HACD3: variants seen among roughly 807,000 people sequenced by gnomAD.
HACD3 encodes the protein very-long-chain (3R)-3-hydroxyacyl-CoA dehydratase 3.
In HACD3, 30 loss-of-function variants were observed where a neutral mutation model predicts 55.2. The observed-to-expected ratio is 0.54, with a 90% CI of 0.41 to 0.74. HACD3 has a LOEUF of 0.74. HACD3 is among the 30% of genes least tolerant of loss of function. The pLI, the probability that HACD3 is intolerant of heterozygous loss-of-function variation, is 0.00. For synonymous variants in HACD3, 141 were observed against 151.7 expected, an observed-to-expected ratio of 0.93 and a Z score of 0.52; for missense variants, 363 against 440.1, an observed-to-expected ratio of 0.82 and a Z score of 1.57.
chr15:65,543,603 T>C (rs1485501237), intron 1 of HACD3, among the ~76,000 whole-genome samples: 15 of 152,200 alleles, frequency 9.9e-5, no homozygotes, highest in Admixed American at 9.8e-4. Context: ...AATTCCTAGC[T>C]AGCCCACTGA....
intron 1 of HACD3, among the ~76,000 whole-genome samples, chr15:65,534,840 A>C (rs2071939446): frequency 6.6e-6 from 1 of 152,228 alleles, no homozygotes; most frequent in African/African-American, 2.4e-5. Flanking sequence ...ATGGATTTGA[A>C]AGTGCTTTGC....
chr15:65,536,144 G>A (rs2071952969), intron 1 of HACD3, among the ~76,000 whole-genome samples: 1 of 152,108 alleles, frequency 6.6e-6, no homozygotes, highest in African/African-American at 2.4e-5. Flanking sequence ...TGCTTCCCAA[G>A]TAGCTGGGAC....
intron 1 of HACD3, among the ~76,000 whole-genome samples, chr15:65,535,566 G>A (rs772014914): frequency 1.3e-5 from 2 of 152,118 alleles, no homozygotes; most frequent in South Asian, 2.1e-4. Flanking sequence ...GTCTGTTGGC[G>A]TCATTTTTCC....
intron 5 of HACD3, 26 bp downstream of exon 5, chr15:65,558,757 T>C: frequency 5.0e-6 from 8 of 1,587,720 alleles, no homozygotes; most frequent in Non-Finnish European, 6.0e-6. Flanking sequence ...GCCATGGTAG[T>C]TACCAGTTAA....
In HACD3 at chr15:65,549,248, T is replaced by C. The variant is rs375447312; in HGVS notation, c.88-2428T>C. On this transcript the variant is annotated intron_variant, in intron 1 of 10. Transcript: ENST00000261875. ...CGAACATTTGCTCAACTAAGTGAAC[T>C]TGAACTTTGGTTTTGACAGCCCAAC... is the stretch of plus-strand genomic sequence containing the variant. Among the ~76,000 whole-genome samples the C allele has an allele frequency of 1.2e-4, 19 of 152,170 alleles. No individual in the cohort carries two copies. In the East Asian group the frequency reaches 2.5e-3, roughly 20 times the overall value.
chr15:65,563,208 A>T (rs149265846), intron 6 of HACD3, among the ~76,000 whole-genome samples: 5 of 152,322 alleles, frequency 3.3e-5, no homozygotes, highest in African/African-American at 1.2e-4. Context: ...TTGATGTGAT[A>T]CTTCCAGTGC....
chr15:65,546,201 T>A (rs1289489436), intron 1 of HACD3, among the ~76,000 whole-genome samples: 1 of 136,412 alleles, frequency 7.3e-6, no homozygotes, highest in Non-Finnish European at 1.6e-5. Flanking sequence ...ACCTGTAGAA[T>A]CATGTAGGAT....
chr15:65,572,767 T>G (rs1324609910), intron 10 of HACD3, among the ~76,000 whole-genome samples: 1 of 151,240 alleles, frequency 6.6e-6, no homozygotes, highest in African/African-American at 2.4e-5. Flanking sequence ...ATACAAAAAT[T>G]AGTTGGGTGT....
At chr15:65,558,548 C>A (rs2072215682) in intron 4 of HACD3, 132 bp from the exon 5 acceptor site, 5 of 784,868 alleles carry the variant, frequency 6.4e-6, no homozygotes, top group Non-Finnish European at 1.1e-5. Context: ...AGAATATTCT[C>A]CCAATGATGC....
rs1264811381 is a variant in HACD3, at chr15:65,576,456, A to G, written c.*77A>G. ...CAGTTTTACCTTCTTGAACCAATGT[A>G]AAAGTTTTTTTAATGTTAAATGATT... On this transcript the variant is annotated 3_prime_UTR_variant, in exon 11 of 11. Coordinates refer to ENST00000261875, the MANE Select transcript of HACD3 (RefSeq NM_016395.4). 2 of 1,440,196 alleles carry G rather than the reference A, an allele frequency of 1.4e-6. No individual in the cohort carries two copies. The highest frequency in any genetic ancestry group is 9.3e-7 in the Non-Finnish European group (1 of 1,073,644). The allele number at this position is 1,440,196 out of a possible 1,614,324, so 89.2% of individuals were successfully genotyped here.
intron 5 of HACD3, among the ~76,000 whole-genome samples, chr15:65,560,066 G>T (rs1466488701): frequency 6.7e-6 from 1 of 148,834 alleles, no homozygotes; most frequent in African/African-American, 2.5e-5. Context: ...TTTTTGAGAT[G>T]GGGTCTTGCT....
chr15:65,549,248 T>G (rs375447312), intron 1 of HACD3, among the ~76,000 whole-genome samples: 2 of 152,052 alleles, frequency 1.3e-5, no homozygotes, highest in Admixed American at 6.6e-5. Context: ...CTAAGTGAAC[T>G]TGAACTTTGG....
At chr15:65,575,445 C>G (rs972649068) in intron 10 of HACD3, among the ~76,000 whole-genome samples, 1 of 152,158 alleles carries the variant, frequency 6.6e-6, no homozygotes, top group Non-Finnish European at 1.5e-5. Flanking sequence ...ATCTTGGCCT[C>G]CCGAAGTGCT....
At chr15:65,537,951 AAAAAAAAATATATATATATATAT>A (rs1360085866) in intron 1 of HACD3, among the ~76,000 whole-genome samples, 1,700 of 19,460 alleles carry the variant, frequency 0.087, 71 homozygotes, top group Non-Finnish European at 0.088. Flanking sequence ...AAAAAAAAAA[AAAAAAAAATATATATATATATAT>A]ATATATATAT....
chr15:65,547,473 C>T (rs2072089314), intron 1 of HACD3, among the ~76,000 whole-genome samples: 1 of 152,154 alleles, frequency 6.6e-6, no homozygotes, highest in South Asian at 2.1e-4. Context: ...TAACATGTAC[C>T]AAAATTTCAG....
intron 7 of HACD3, among the ~76,000 whole-genome samples, chr15:65,568,872 T>C (rs1321338495): frequency 1.3e-5 from 2 of 152,122 alleles, no homozygotes; most frequent in Non-Finnish European, 2.9e-5. Flanking sequence ...AACCCAGATA[T>C]CTATGAAGAA....
chr15:65,564,429 C>G, intron 7 of HACD3, 87 bp downstream of exon 7: 1 of 1,460,940 alleles, frequency 6.8e-7, no homozygotes, highest in Non-Finnish European at 9.3e-7. Flanking sequence ...TTTCATGCTG[C>G]TCATAAAGAC....
At chr15:65,540,039 G>C (rs2072005045) in intron 1 of HACD3, among the ~76,000 whole-genome samples, 1 of 152,162 alleles carries the variant, frequency 6.6e-6, no homozygotes, top group South Asian at 2.1e-4. Context: ...ATTGTATAAT[G>C]TATCTGTTTC....
intron 7 of HACD3, chr15:65,564,585 G>A: frequency 2.3e-6 from 1 of 436,980 alleles, no homozygotes; most frequent in Non-Finnish European, 4.0e-6. Context: ...AGAAGCAAAA[G>A]CAGAAACTCC....
Sources: allele counts gnomAD v4.1 joint callset (sites outside exome capture counted in the v4.1 genomes callset), GRCh38; gene constraint gnomAD v4.1.1; transcripts MANE v1.5; gene names NCBI Gene and HGNC (gene_info 2026-07-23, HGNC 2026-07-21).